ARMH3: variants seen among roughly 807,000 people sequenced by gnomAD.
The protein encoded by ARMH3 is armadillo-like helical domain-containing protein 3.
ARMH3 carries 60 observed loss-of-function variants against 99.1 expected under a neutral mutation model. That is an observed-to-expected ratio of 0.61 (90% confidence interval 0.49 to 0.75). The LOEUF (loss-of-function observed/expected upper bound fraction) is 0.75. Ranked by LOEUF, ARMH3 falls within the 30% of genes least tolerant of loss-of-function variation. The probability of loss-of-function intolerance (pLI) is 0.00; values close to 1 mark genes in which losing one functional copy is unlikely to be tolerated. For missense variants in ARMH3, 679 were observed against 843.1 expected (o/e 0.81, Z 2.41); for synonymous variants, 285 against 292.8 (o/e 0.97, Z 0.27).
At chr10:102,046,684 T>C (rs942475560) in intron 1 of ARMH3, among the ~76,000 whole-genome samples, 1 of 152,186 alleles carries the variant, frequency 6.6e-6, no homozygotes, top group African/African-American at 2.4e-5. Flanking sequence ...AATAAACTTG[T>C]ACAGATAAGT....
At position 101,992,062 on chromosome 10, in the gene ARMH3, A is replaced by C. The variant is rs1237682731; in HGVS notation, c.1276-24T>G. The C allele has an allele frequency of 5.0e-6, 8 of 1,602,688 alleles. 1 individual carries two copies. The Middle Eastern group carries it at 5.0e-4, about 99-fold the overall frequency. On this transcript the variant is annotated intron_variant, in intron 17 of 25. Transcript: ENST00000370033. ...GGCTTCACACCAAAAAAATGAAGAAAGGAAATTAGTAGACACCGGCACTGA... is the reference window on the plus strand; with the variant it reads ...GGCTTCACACCAAAAAAATGAAGAACGGAAATTAGTAGACACCGGCACTGA...
intron 22 of ARMH3, among the ~76,000 whole-genome samples, chr10:101,945,284 G>C (rs1844464235): frequency 6.6e-6 from 1 of 152,128 alleles, no homozygotes; most frequent in South Asian, 2.1e-4. Flanking sequence ...CATCTTTCTG[G>C]AGAAAGAAAT....
At chr10:101,960,763 A>G (rs1477064998) in intron 20 of ARMH3, among the ~76,000 whole-genome samples, 2 of 151,514 alleles carry the variant, frequency 1.3e-5, no homozygotes, top group African/African-American at 2.4e-5. Context: ...GGTGGCGGGC[A>G]CCTGTAATCC....
intron 23 of ARMH3, among the ~76,000 whole-genome samples, chr10:101,933,870 C>T (rs921612020): frequency 3.9e-5 from 6 of 152,146 alleles, no homozygotes; most frequent in Admixed American, 2.6e-4. Flanking sequence ...CAATTTAGTC[C>T]ACATTTACTT....
In ARMH3 at chr10:101,931,254, C is replaced by T. The variant is rs140954505; in HGVS notation, c.1781+8609G>A. On this transcript the variant is annotated intron_variant, in intron 23 of 25. Transcript: ENST00000370033. ...TCAGAAAAGCAGTGGGGGCCGGGTG[C>T]GATGGCTCACGCCTGTAATCCCAAC... Among the ~76,000 whole-genome samples the T allele has an allele frequency of 1.4e-4, 21 of 152,116 alleles. 1 individual carries two copies. Among genetic ancestry groups the T allele is most frequent in the African/African-American group, 5.1e-4 (21 of 41,412 alleles).
intron 23 of ARMH3, among the ~76,000 whole-genome samples, chr10:101,916,411 G>T (rs562383038): frequency 6.6e-6 from 1 of 151,746 alleles, no homozygotes; most frequent in African/African-American, 2.4e-5. Flanking sequence ...AACAAACCTG[G>T]GAATTTGTAA....
intron 23 of ARMH3, among the ~76,000 whole-genome samples, chr10:101,923,986 C>T (rs564783740): frequency 6.6e-6 from 1 of 152,098 alleles, no homozygotes; most frequent in Non-Finnish European, 1.5e-5. Context: ...CAGGCCAAAG[C>T]CCAGAAAGGG....
At chr10:101,886,611 A>C (rs1293033630) in intron 24 of ARMH3, among the ~76,000 whole-genome samples, 1 of 152,266 alleles carries the variant, frequency 6.6e-6, no homozygotes, top group Non-Finnish European at 1.5e-5. Flanking sequence ...AATTAACAAA[A>C]AAATGTCATT....
intron 23 of ARMH3, among the ~76,000 whole-genome samples, chr10:101,895,314 C>G (rs1035707118): frequency 6.8e-6 from 1 of 147,922 alleles, no homozygotes; most frequent in African/African-American, 2.5e-5. Flanking sequence ...GCGTCTCGCT[C>G]TGTCGCCCAG....
chr10:101,917,500 T>C (rs139851253), intron 23 of ARMH3, among the ~76,000 whole-genome samples: 105 of 152,334 alleles, frequency 6.9e-4, no homozygotes, highest in African/African-American at 2.4e-3. Flanking sequence ...GTTCCGCCGT[T>C]GAGAGACACT....
intron 23 of ARMH3, among the ~76,000 whole-genome samples, chr10:101,904,653 A>T (rs958565099): frequency 2.8e-5 from 4 of 145,118 alleles, no homozygotes; most frequent in Non-Finnish European, 4.6e-5. Flanking sequence ...TGTTGGGATT[A>T]AAAAAAAAAA....
chr10:102,022,142 TAA>T (rs1454405111), intron 8 of ARMH3, among the ~76,000 whole-genome samples: 2 of 152,110 alleles, frequency 1.3e-5, no homozygotes, highest in Non-Finnish European at 2.9e-5. Context: ...TAAATTTGTA[TAA>T]AGACGCTCTC....
intron 24 of ARMH3, among the ~76,000 whole-genome samples, chr10:101,881,706 AG>A (rs1333315674): frequency 3.9e-5 from 6 of 152,198 alleles, no homozygotes; most frequent in Admixed American, 1.3e-4. Flanking sequence ...TCAGTGCGAT[AG>A]GGATTATGGA....
Position 101,920,276 on chromosome 10 carries a change from G to C in ARMH3, c.1781+19587C>G, listed in dbSNP as rs184001321. On this transcript the variant is annotated intron_variant, in intron 23 of 25. Transcript: ENST00000370033. ...TTCAGGAGGTGAGTTGACAAGTTGG[G>C]AAAGGACATTCTAGGCAGGGAGGAA... is the stretch of plus-strand genomic sequence containing the variant. Among the ~76,000 whole-genome samples the C allele has an allele frequency of 3.3e-5, 5 of 152,284 alleles. No individual in the cohort carries two copies. In the East Asian group the frequency reaches 9.7e-4, roughly 29 times the overall value.
intron 23 of ARMH3, among the ~76,000 whole-genome samples, chr10:101,914,864 C>CAAAAAA (rs373264871): frequency 3.8e-4 from 25 of 66,520 alleles, no homozygotes; most frequent in Non-Finnish European, 4.5e-4. Context: ...AAATCCATCT[C>CAAAAAA]AAAAAAAAAA....
At chr10:101,915,891 C>T (rs762443310) in intron 23 of ARMH3, among the ~76,000 whole-genome samples, 2 of 151,574 alleles carry the variant, frequency 1.3e-5, no homozygotes, top group Non-Finnish European at 2.9e-5. Context: ...GCAAGCTCCA[C>T]CTCCCGGGTT....
At chr10:101,943,569 G>A (rs960772105) in intron 22 of ARMH3, among the ~76,000 whole-genome samples, 1 of 152,010 alleles carries the variant, frequency 6.6e-6, no homozygotes, top group Non-Finnish European at 1.5e-5. Flanking sequence ...AAAAGAAACA[G>A]AACAAAATCC....
chr10:102,038,285 A>C (rs181467516), intron 2 of ARMH3, among the ~76,000 whole-genome samples: 1 of 151,660 alleles, frequency 6.6e-6, no homozygotes, highest in African/African-American at 2.4e-5. Flanking sequence ...TAGTAGAGAC[A>C]GGGTTTCGCC....
At chr10:102,037,900 TTCTA>T (rs1348535272) in intron 2 of ARMH3, among the ~76,000 whole-genome samples, 12 of 151,824 alleles carry the variant, frequency 7.9e-5, no homozygotes, top group African/African-American at 2.2e-4. Context: ...ACTTAATGGA[TTCTA>T]TCTATCACTT....
Sources: gnomAD v4.1 joint callset for allele counts (sites outside exome capture counted in the v4.1 genomes callset) on GRCh38, gnomAD v4.1.1 for gene constraint, MANE v1.5 for transcripts, NCBI Gene and HGNC (gene_info 2026-07-23, HGNC 2026-07-21) for gene names.